CDYL: variants seen among roughly 807,000 people sequenced by gnomAD.
The protein encoded by CDYL is chromodomain Y-like protein.
CDYL carries 8 observed loss-of-function variants against 47.3 expected under a neutral mutation model. The ratio of observed to expected loss-of-function variants is 0.17; its 90% confidence interval spans 0.10 to 0.31. The LOEUF (loss-of-function observed/expected upper bound fraction) is 0.31, where lower values mean the gene tolerates loss of function less well. Ranked by LOEUF, CDYL falls within the 10% of genes least tolerant of loss-of-function variation. The pLI is 1.00. For synonymous variants in CDYL, 266 were observed against 265.0 expected, an observed-to-expected ratio of 1.00 and a Z score of -0.04; for missense variants, 471 against 701.4, an observed-to-expected ratio of 0.67 and a Z score of 3.71.
chr6:4,832,856 A>G (rs1478461494), intron 1 of CDYL, among the ~76,000 whole-genome samples: 1 of 149,060 alleles, frequency 6.7e-6, no homozygotes, highest in Non-Finnish European at 1.5e-5. Context: ...TTTCTAGTTT[A>G]TTTGCGTAGA....
At chr6:4,895,025 A>G (rs1388311676) in intron 2 of CDYL, among the ~76,000 whole-genome samples, 4 of 151,372 alleles carry the variant, frequency 2.6e-5, no homozygotes, top group South Asian at 2.1e-4. Flanking sequence ...ATATGTATGT[A>G]TGTGTATATA....
At chr6:4,869,854 A>G (rs543343790) in intron 1 of CDYL, among the ~76,000 whole-genome samples, 57 of 152,274 alleles carry the variant, frequency 3.7e-4, no homozygotes, top group African/African-American at 4.3e-4. Context: ...AGAAGAAGCA[A>G]TATTCAAATA....
At chr6:4,724,579 T>G (rs953012437) in intron 2 of CDYL, 4 of 152,428 alleles carry the variant, frequency 2.6e-5, no homozygotes, top group African/African-American at 9.6e-5. Flanking sequence ...GTTTGTTCCT[T>G]CTGCTGCTCG....
At chr6:4,715,193 A>G (rs528193202) in intron 1 of CDYL, among the ~76,000 whole-genome samples, 2 of 152,270 alleles carry the variant, frequency 1.3e-5, no homozygotes, top group South Asian at 2.1e-4. Context: ...TGTCTCCATT[A>G]AAGCATTTGG....
intron 1 of CDYL, among the ~76,000 whole-genome samples, chr6:4,819,134 C>CTCTCTCTCTT (rs1759755986): frequency 1.4e-5 from 2 of 138,006 alleles, no homozygotes; most frequent in Non-Finnish European, 3.1e-5. Context: ...CTCTCTCTCT[C>CTCTCTCTCTT]TCTCTCTCTC....
chr6:4,832,206 G>A (rs1286292742), intron 1 of CDYL, among the ~76,000 whole-genome samples: 1 of 152,208 alleles, frequency 6.6e-6, no homozygotes, highest in Non-Finnish European at 1.5e-5. Flanking sequence ...GTTATTGGCT[G>A]TGGGTTTGTC....
intron 2 of CDYL, among the ~76,000 whole-genome samples, chr6:4,910,434 C>T (rs528778539): frequency 1.3e-5 from 2 of 152,330 alleles, no homozygotes; most frequent in South Asian, 4.1e-4. Flanking sequence ...TCTTTTCCTT[C>T]TGTCCAATTT....
chr6:4,825,809 C>T (rs1440056782), intron 1 of CDYL, among the ~76,000 whole-genome samples: 1 of 147,160 alleles, frequency 6.8e-6, no homozygotes, highest in Admixed American at 6.8e-5. Context: ...ATTAATAATG[C>T]AGTGGTTTCA....
intron 1 of CDYL, among the ~76,000 whole-genome samples, chr6:4,810,320 T>A (rs903321558): frequency 6.6e-6 from 1 of 152,208 alleles, no homozygotes; most frequent in African/African-American, 2.4e-5. Flanking sequence ...AGAAAGAGAT[T>A]ATGTTCTGCC....
intron 1 of CDYL, among the ~76,000 whole-genome samples, chr6:4,838,982 T>C (rs1039147189): frequency 6.6e-6 from 1 of 152,230 alleles, no homozygotes; most frequent in African/African-American, 2.4e-5. Context: ...GCCTTACTTT[T>C]AGTTCTTTAA....
intron 1 of CDYL, among the ~76,000 whole-genome samples, chr6:4,889,662 A>G (rs533406720): frequency 1.3e-5 from 2 of 152,168 alleles, no homozygotes; most frequent in Non-Finnish European, 2.9e-5. Context: ...CATTCATTAC[A>G]TATTGTGTCT....
chr6:4,720,832 A>G (rs1413290475), intron 2 of CDYL, among the ~76,000 whole-genome samples: 2 of 152,194 alleles, frequency 1.3e-5, no homozygotes, highest in African/African-American at 4.8e-5. Context: ...TCGATTTTTA[A>G]CCCAATTAAA....
chr6:4,884,250 G>T (rs1761842021), intron 1 of CDYL, among the ~76,000 whole-genome samples: 1 of 152,212 alleles, frequency 6.6e-6, no homozygotes, highest in Non-Finnish European at 1.5e-5. Context: ...AAGCCACGTG[G>T]CTTGCTAAGG....
intron 1 of CDYL, among the ~76,000 whole-genome samples, chr6:4,855,941 T>G (rs1162017598): frequency 6.6e-6 from 1 of 152,232 alleles, no homozygotes; most frequent in Non-Finnish European, 1.5e-5. Context: ...ATGCTCATTG[T>G]CCATTTGTTG....
At chr6:4,862,109 C>T (rs1761186293) in intron 1 of CDYL, among the ~76,000 whole-genome samples, 1 of 152,176 alleles carries the variant, frequency 6.6e-6, no homozygotes, top group Non-Finnish European at 1.5e-5. Context: ...CTGTGCAGGT[C>T]TCTGTGTGTG....
intron 2 of CDYL, among the ~76,000 whole-genome samples, chr6:4,931,893 C>A (rs1445218690): frequency 6.6e-6 from 1 of 152,192 alleles, no homozygotes; most frequent in African/African-American, 2.4e-5. Flanking sequence ...ATTAGCAGAA[C>A]CACGGATAGT....
intron 1 of CDYL, among the ~76,000 whole-genome samples, chr6:4,794,211 A>G (rs754058742): frequency 2.6e-5 from 4 of 152,176 alleles, no homozygotes; most frequent in Non-Finnish European, 4.4e-5. Context: ...TAAGAGACAC[A>G]GTAAAGAAGA....
At chr6:4,771,926 A>C (rs1314589335), upstream of CDYL, among the ~76,000 whole-genome samples, 2 of 152,206 alleles carry the variant, frequency 1.3e-5, no homozygotes, top group Non-Finnish European at 2.9e-5. Flanking sequence ...CCTCTTTATG[A>C]TTTTTGGTCT....
chr6:4,921,323 A>G (rs1275120505), intron 2 of CDYL, among the ~76,000 whole-genome samples: 1 of 152,160 alleles, frequency 6.6e-6, no homozygotes, highest in Non-Finnish European at 1.5e-5. Context: ...GTGGCCCAGC[A>G]CCGGCCTTCT....
Sources: gnomAD v4.1 joint callset for allele counts (sites outside exome capture counted in the v4.1 genomes callset) on GRCh38, gnomAD v4.1.1 for gene constraint, MANE v1.5 for transcripts, NCBI Gene and HGNC (gene_info 2026-07-23, HGNC 2026-07-21) for gene names.